SRGAP3: variants seen among roughly 807,000 people sequenced by gnomAD.
SRGAP3 encodes the protein SLIT-ROBO Rho GTPase activating protein 3.
SRGAP3 carries 39 observed loss-of-function variants against 121.1 expected under a neutral mutation model. The ratio of observed to expected loss-of-function variants is 0.32; its 90% CI spans 0.25 to 0.42. The LOEUF is 0.42. SRGAP3 is among the 10% of genes least tolerant of loss of function. The probability of loss-of-function intolerance (pLI) is 1.00; values close to 1 mark genes in which losing one functional copy is unlikely to be tolerated. For synonymous variants in SRGAP3, 601 were observed against 570.0 expected (o/e 1.05, Z -0.77); for missense variants, 1,213 against 1,470.6 (o/e 0.82, Z 2.86).
intron 3 of SRGAP3, among the ~76,000 whole-genome samples, chr3:9,322,524 G>A (rs967510507): frequency 6.6e-6 from 1 of 151,684 alleles, no homozygotes; most frequent in Admixed American, 6.5e-5. Flanking sequence ...GTGGGCAAGG[G>A]AGCATTACCA....
intron 5 of SRGAP3, among the ~76,000 whole-genome samples, chr3:9,063,332 T>C (rs1185243470): frequency 6.6e-6 from 1 of 152,018 alleles, no homozygotes; most frequent in Non-Finnish European, 1.5e-5. Flanking sequence ...TTCTGCCATG[T>C]TGCCCAACCT....
chr3:9,123,950 G>T (rs1202608221), intron 2 of SRGAP3, among the ~76,000 whole-genome samples: 1 of 151,996 alleles, frequency 6.6e-6, no homozygotes, highest in Non-Finnish European at 1.5e-5. Flanking sequence ...ATGGCTGAAG[G>T]AGAGACAGTG....
At chr3:9,028,031 T>A (rs974570228) in intron 12 of SRGAP3, 3 of 1,591,444 alleles carry the variant, frequency 1.9e-6, no homozygotes, top group Admixed American at 1.7e-5. Context: ...TGGGCTCTGT[T>A]CTGGAAGTCA....
chr3:9,275,533 CA>C (rs977835699), intron 3 of SRGAP3, among the ~76,000 whole-genome samples: 3 of 152,240 alleles, frequency 2.0e-5, no homozygotes, highest in Admixed American at 1.3e-4. Flanking sequence ...CCATAATTCC[CA>C]TATGTTGTGG....
chr3:9,125,681 A>C (rs138941418), intron 1 of SRGAP3, among the ~76,000 whole-genome samples: 1 of 152,354 alleles, frequency 6.6e-6, no homozygotes, highest in African/African-American at 2.4e-5. Context: ...GCTGAATGCC[A>C]ATAACCACAT....
intron 1 of SRGAP3, among the ~76,000 whole-genome samples, chr3:9,231,742 G>C (rs1206839875): frequency 6.6e-6 from 1 of 152,172 alleles, no homozygotes; most frequent in Non-Finnish European, 1.5e-5. Context: ...TCCAGGGTAG[G>C]AGTGGGACAA....
chr3:9,276,725 G>A lies in SRGAP3; in HGVS notation n.442+49285C>T, dbSNP rs368651745. Among the ~76,000 whole-genome samples the A allele has an allele frequency of 7.9e-5, 12 of 152,262 alleles. No homozygotes were observed. The South Asian group carries it at 1.0e-3, about 13-fold the overall frequency. On this transcript the variant is annotated intron_variant and non_coding_transcript_variant, in intron 3 of 3. Coordinates refer to the SRGAP3 transcript ENST00000490889. The stretch of plus-strand genomic sequence containing the variant: ...CAGGCGTAAGCCACCGCATCCAGCC[G>A]AATTTTTACCATTATTACCTCCCTG...
At chr3:9,272,717 G>T (rs959853892) in intron 3 of SRGAP3, among the ~76,000 whole-genome samples, 5 of 152,074 alleles carry the variant, frequency 3.3e-5, no homozygotes, top group African/African-American at 1.2e-4. Flanking sequence ...TATGAATATT[G>T]GTATAACTAT....
intron 2 of SRGAP3, among the ~76,000 whole-genome samples, chr3:9,123,732 A>ATATGTGTGTGTGTG (rs1949109706): frequency 2.2e-5 from 3 of 139,074 alleles, no homozygotes; most frequent in Admixed American, 7.2e-5. Context: ...ATATGTATAT[A>ATATGTGTGTGTGTG]TGTGTGTGTG....
intron 18 of SRGAP3, among the ~76,000 whole-genome samples, chr3:8,995,263 G>A (rs1422215139): frequency 6.6e-6 from 1 of 152,080 alleles, no homozygotes; most frequent in African/African-American, 2.4e-5. Context: ...CTTGAGTCCA[G>A]GAGTTTGAGA....
At chr3:9,217,051 C>T (rs1413323756) in intron 1 of SRGAP3, 1 of 152,002 alleles carries the variant, frequency 6.6e-6, no homozygotes, top group African/African-American at 2.4e-5. Flanking sequence ...AGTTCCAGTC[C>T]TACAAGATGA....
intron 1 of SRGAP3, among the ~76,000 whole-genome samples, chr3:9,215,137 G>T (rs1270924520): frequency 1.3e-5 from 2 of 152,094 alleles, no homozygotes; most frequent in Non-Finnish European, 2.9e-5. Flanking sequence ...TTCAACAAAC[G>T]ATCAAAAGAA....
Position 9,143,668 on chromosome 3 carries a change from T to C in SRGAP3, c.68-18751A>G, listed in dbSNP as rs561575978. Among the ~76,000 whole-genome samples the C allele has an allele frequency of 4.6e-5, 7 of 152,192 alleles. No homozygotes were observed. In the East Asian group the frequency reaches 9.7e-4, roughly 21 times the overall value. On this transcript the variant is annotated intron_variant, in intron 1 of 21. Transcript: ENST00000383836. ...AGGTTGGGGTGCACTGTCAAAACCA[T>C]GATCATGACAAGGTGTGAGCCCACA...
intron 1 of SRGAP3, among the ~76,000 whole-genome samples, chr3:9,151,164 G>T (rs927868169): frequency 1.7e-4 from 26 of 152,190 alleles, no homozygotes; most frequent in Non-Finnish European, 7.3e-5. Context: ...AGTCCAGGGG[G>T]TCCAGAAGAA....
chr3:9,361,588 C>A (rs1043975733), intron 1 of SRGAP3, among the ~76,000 whole-genome samples: 2 of 152,176 alleles, frequency 1.3e-5, no homozygotes, highest in Non-Finnish European at 2.9e-5. Context: ...CTAGAAAAAA[C>A]TTGGAAGCTG....
At chr3:9,282,079 A>G (rs973734845) in intron 3 of SRGAP3, among the ~76,000 whole-genome samples, 2 of 152,232 alleles carry the variant, frequency 1.3e-5, no homozygotes, top group African/African-American at 4.8e-5. Context: ...GTCTTCTGAC[A>G]TAAACCGACC....
intron 10 of SRGAP3, 119 bp downstream of exon 10, chr3:9,047,272 G>T: frequency 1.9e-6 from 2 of 1,033,122 alleles, no homozygotes; most frequent in Non-Finnish European, 2.9e-6. Context: ...GGTAAGTCCA[G>T]GTTCATTCTG....
chr3:9,344,787 A>C (rs951583873), intron 1 of SRGAP3, among the ~76,000 whole-genome samples: 3 of 152,264 alleles, frequency 2.0e-5, no homozygotes, highest in African/African-American at 7.2e-5. Flanking sequence ...CTGTAATCCC[A>C]GCACTTTGGG....
intron 2 of SRGAP3, among the ~76,000 whole-genome samples, chr3:9,327,518 A>G (rs1160044365): frequency 2.0e-5 from 3 of 152,228 alleles, no homozygotes; most frequent in Non-Finnish European, 4.4e-5. Context: ...TCTCAACTAC[A>G]TATTACAATG....
Sources: allele counts gnomAD v4.1 joint callset (sites outside exome capture counted in the v4.1 genomes callset), GRCh38; gene constraint gnomAD v4.1.1; transcripts MANE v1.5; gene names NCBI Gene and HGNC (gene_info 2026-07-23, HGNC 2026-07-21).